Variants in RAPGEFL1 observed in about 807,000 individuals in gnomAD.
RAPGEFL1 encodes rap guanine nucleotide exchange factor-like 1.
Under a neutral mutation model 64.4 loss-of-function variants are expected in RAPGEFL1, and 31 were observed. That is an observed-to-expected ratio of 0.48 (90% CI 0.36 to 0.65). The LOEUF is 0.65. Among genes scored for constraint, RAPGEFL1 ranks in the 30% least tolerant of loss-of-function variants. RAPGEFL1 has a pLI of 0.00. For missense variants in RAPGEFL1, 682 were observed against 677.4 expected (o/e 1.01, Z -0.08); for synonymous variants, 331 against 274.1 (o/e 1.21, Z -2.05).
Position 40,177,501 on chromosome 17 carries a change from C to T in RAPGEFL1, c.-361C>T, listed in dbSNP as rs942489690. The T allele has an allele frequency of 7.1e-6, 3 of 422,940 alleles. No individual in the cohort carries two copies. The highest frequency in any genetic ancestry group is 2.8e-5 in the South Asian group (1 of 35,146). The allele number at this position is 422,940 out of a possible 1,614,324, so 26.2% of individuals were successfully genotyped here. A position where few individuals can be genotyped will look rare whatever the true frequency, so the allele number is the denominator to read the frequency against. On this transcript the variant is annotated 5_prime_UTR_variant, in exon 1 of 15. Coordinates refer to ENST00000620260, the MANE Select transcript of RAPGEFL1 (RefSeq NM_016339.6). ...CCCTCTTCACGGCCAGGAGCGCAGC[C>T]GCCGCCGCCGCCGCCGCCGCGTCCT... is the stretch of plus-strand genomic sequence containing the variant.
chr17:40,188,330 T>C (rs896792694), intron 4 of RAPGEFL1, among the ~76,000 whole-genome samples: 1 of 152,194 alleles, frequency 6.6e-6, no homozygotes, highest in African/African-American at 2.4e-5. Flanking sequence ...CACACCAGCA[T>C]AACTCTCCTG....
At chr17:40,177,211 C>G, upstream of RAPGEFL1, 1 of 702,618 alleles carries the variant, frequency 1.4e-6, no homozygotes, top group Non-Finnish European at 2.6e-6. Flanking sequence ...GTGTCCAGGC[C>G]ACAGACCTGT....
intron 4 of RAPGEFL1, among the ~76,000 whole-genome samples, chr17:40,188,000 C>T (rs1598443053): frequency 2.0e-5 from 3 of 149,434 alleles, no homozygotes; most frequent in Admixed American, 2.0e-4. Flanking sequence ...CTGCAACCTC[C>T]CCCTCCCGGG....
intron 4 of RAPGEFL1, among the ~76,000 whole-genome samples, chr17:40,186,958 A>G (rs151324554): frequency 6.6e-6 from 1 of 150,562 alleles, no homozygotes; most frequent in East Asian, 1.9e-4. Flanking sequence ...AACTTATTTG[A>G]TTATAAATTT....
rs759794090 is a variant in RAPGEFL1 at position 40,178,238 on chromosome 17, A to G, written c.377A>G (p.Tyr126Cys). The G allele has an allele frequency of 5.7e-5, 36 of 634,264 alleles. No individual in the cohort carries two copies. The highest frequency in any genetic ancestry group is 2.4e-4 in the Middle Eastern group (1 of 4,092). 39.3% of individuals were successfully genotyped at this position (634,264 alleles called of 1,614,324 possible). The change falls in exon 1 of 15, where the codon TAC becomes TGC. Residue 126 changes from tyrosine (Y) to cysteine (C), a missense_variant. Coordinates refer to ENST00000620260, the MANE Select transcript of RAPGEFL1 (RefSeq NM_016339.6). ...GGGCCCCTGCGCTCCCCTTCCTCCT[A>G]CTCATCTGACGAGCTGTCCCCAGGC... ...GGGPLRSPSS[Y>C]SSDELSPGEP... is the part of the protein sequence containing the mutation.
chr17:40,193,850 C>T lies in RAPGEFL1; in HGVS notation c.*62C>T, dbSNP rs964218953. 20 of 1,605,984 alleles carry T rather than the reference C, an allele frequency of 1.2e-5. No homozygotes were observed. Among genetic ancestry groups the T allele is most frequent in the Admixed American group, 1.0e-4 (6 of 59,648 alleles). ...GCACCTGGCACTCAAGCACTTTGCA[C>T]GATGTCTCAACCAACATCTGACATC... On this transcript the variant is annotated 3_prime_UTR_variant, in exon 15 of 15. Transcript: ENST00000620260.
intron 8 of RAPGEFL1, 61 bp downstream of exon 8, chr17:40,190,823 C>G: frequency 6.3e-7 from 1 of 1,597,260 alleles, no homozygotes; most frequent in Non-Finnish European, 8.5e-7. Flanking sequence ...CATTGGGAGA[C>G]GGTGTTCGCA....
Position 40,194,232 on chromosome 17 carries a change from CGTGTGTGTGTGTGTGTGTGTGTGTGTGT to C in RAPGEFL1, c.*475_*502del, listed in dbSNP as rs56205991. 3.3e-4 allele frequency: 41 copies of C among 125,084 alleles called. No individual in the cohort carries two copies. Among genetic ancestry groups the C allele is most frequent in the Admixed American group, 1.5e-3 (17 of 11,590 alleles). 7.7% of individuals were successfully genotyped at this position (125,084 alleles called of 1,614,324 possible). ...GGGACCCCCAGGAATATTATGTTGC[CGTGTGTGTGTGTGTGTGTGTGTGTGTGT>C]GTGTGTGTGTGTGTGTGTGTGTGTG... On this transcript the variant is annotated 3_prime_UTR_variant, in exon 15 of 15. Coordinates refer to ENST00000620260, the MANE Select transcript of RAPGEFL1 (RefSeq NM_016339.6).
At chr17:40,185,519 C>CAAAAAA (rs1012933421) in intron 4 of RAPGEFL1, among the ~76,000 whole-genome samples, 2 of 36,256 alleles carry the variant, frequency 5.5e-5, no homozygotes, top group Admixed American at 2.7e-4. Flanking sequence ...GTCTCCACTA[C>CAAAAAA]AAAAAAAAAA....
upstream of RAPGEFL1, chr17:40,177,019 T>C: frequency 1.4e-6 from 1 of 701,170 alleles, no homozygotes; most frequent in South Asian, 1.5e-5. Flanking sequence ...TATTGTGCCC[T>C]ACCAGAGAGG....
rs1170550093 is a variant in RAPGEFL1, at chr17:40,194,285, GTGTGTCT to G, written c.*499_*505del. On this transcript the variant is annotated 3_prime_UTR_variant, in exon 15 of 15. Transcript: ENST00000620260. ...TGTGTGTGTGTGTGTGTGTGTGTGT[GTGTGTCT>G]TCTTTTAGGGAGCAGGAGTGCATCT... The G allele has an allele frequency of 2.9e-5, 4 of 135,820 alleles. No individual in the cohort carries two copies. The highest frequency in any genetic ancestry group is 1.9e-4 in the South Asian group (1 of 5,332). 8.4% of individuals were successfully genotyped at this position (135,820 alleles called of 1,614,324 possible). A position where few individuals can be genotyped will look rare whatever the true frequency, so the allele number is the denominator to read the frequency against.
chr17:40,181,266 G>A (rs143521168), intron 1 of RAPGEFL1: 5,216 of 474,042 alleles, frequency 0.011, 52 homozygotes, highest in Non-Finnish European at 0.017. Context: ...CTCTTTGTCT[G>A]GAGACACTTC....
intron 2 of RAPGEFL1, among the ~76,000 whole-genome samples, chr17:40,182,911 G>C (rs1218748440): frequency 6.6e-6 from 1 of 152,212 alleles, no homozygotes; most frequent in East Asian, 1.9e-4. Context: ...ACTTTGGGAG[G>C]CTGGGGCGGG....
In RAPGEFL1 at chr17:40,179,268, G is replaced by A. The variant is rs371455324; in HGVS notation, c.520+887G>A. 9.9e-5 allele frequency among the ~76,000 whole-genome samples: 15 copies of A among 152,202 alleles called. No homozygotes were observed. In the East Asian group the frequency reaches 1.9e-3, roughly 20 times the overall value. Reference sequence around the variant, plus strand: ...TTTTAGTAGAGACAGGGGTTTCACCGTGTTAGCCAGGATGGTCTCGAACTC... The same window carrying A: ...TTTTAGTAGAGACAGGGGTTTCACCATGTTAGCCAGGATGGTCTCGAACTC... On this transcript the variant is annotated intron_variant, in intron 1 of 14. Coordinates refer to ENST00000620260, the MANE Select transcript of RAPGEFL1 (RefSeq NM_016339.6).
In RAPGEFL1 at chr17:40,177,495, C is replaced by CGCA. The variant is rs1179432111; in HGVS notation, c.-364_-362dup. Reference sequence around the variant, plus strand: ...CCTTCCCCCTCTTCACGGCCAGGAGCGCAGCCGCCGCCGCCGCCGCCGCCG... The same window carrying CGCA: ...CCTTCCCCCTCTTCACGGCCAGGAGCGCAGCAGCCGCCGCCGCCGCCGCCGCCG... On this transcript the variant is annotated 5_prime_UTR_variant, in exon 1 of 15. Coordinates refer to ENST00000620260, the MANE Select transcript of RAPGEFL1 (RefSeq NM_016339.6). 6 of 606,594 alleles carry CGCA rather than the reference C, an allele frequency of 9.9e-6. No homozygotes were observed. Among genetic ancestry groups the CGCA allele is most frequent in the African/African-American group, 1.9e-5 (1 of 51,682 alleles). 37.6% of individuals were successfully genotyped at this position (606,594 alleles called of 1,614,324 possible).
chr17:40,193,663 G>A lies in RAPGEFL1; in HGVS notation c.1865-1G>A. The A allele has an allele frequency of 1.2e-6, 2 of 1,614,054 alleles. No individual in the cohort carries two copies. Among genetic ancestry groups the A allele is most frequent in the Non-Finnish European group, 1.7e-6 (2 of 1,180,010 alleles). On this transcript the variant is annotated splice_acceptor_variant, in intron 14 of 14. Transcript: ENST00000620260. LOFTEE classifies it high-confidence loss of function. Reference sequence around the variant, plus strand: ...ACTGCCTCTCCCTCTTTACCCACTAGGCCTGGACATGGAGGCATCCCCCAA... The same window carrying A: ...ACTGCCTCTCCCTCTTTACCCACTAAGCCTGGACATGGAGGCATCCCCCAA...
intron 6 of RAPGEFL1, 57 bp downstream of exon 6, chr17:40,189,432 G>T: frequency 6.3e-7 from 1 of 1,581,274 alleles, no homozygotes; most frequent in South Asian, 1.1e-5. Flanking sequence ...ACAAGCTCAG[G>T]GCTCTGGGGG....
rs1018545626 is a variant in RAPGEFL1 at position 40,194,050 on chromosome 17, G to T, written c.*262G>T. On this transcript the variant is annotated 3_prime_UTR_variant, in exon 15 of 15. Coordinates refer to ENST00000620260, the MANE Select transcript of RAPGEFL1 (RefSeq NM_016339.6). ...GGGGATAGAAAGCTCCTTCCTCTAT[G>T]TCCTCCCATCGAGATCTGTTCTGGG... 4 of 411,618 alleles carry T rather than the reference G, an allele frequency of 9.7e-6. No individual in the cohort carries two copies. The highest frequency in any genetic ancestry group is 1.8e-5 in the Non-Finnish European group (4 of 221,914). 25.5% of individuals were successfully genotyped at this position (411,618 alleles called of 1,614,324 possible). A position where few individuals can be genotyped will look rare whatever the true frequency, so the allele number is the denominator to read the frequency against.
intron 14 of RAPGEFL1, 53 bp from the exon 15 acceptor site, chr17:40,193,611 A>G (rs767553102): frequency 2.5e-6 from 4 of 1,613,318 alleles, no homozygotes; most frequent in Non-Finnish European, 2.5e-6. Context: ...GTGTGTGTGT[A>G]GAGGAAGAAG....
Sources: allele counts gnomAD v4.1 joint callset (sites outside exome capture counted in the v4.1 genomes callset), GRCh38; gene constraint gnomAD v4.1.1; transcripts MANE v1.5; gene names NCBI Gene and HGNC (gene_info 2026-07-23, HGNC 2026-07-21).